PCDHGA1: variants seen among roughly 807,000 people sequenced by gnomAD.
The protein encoded by PCDHGA1 is protocadherin gamma subfamily A, 1.
A neutral mutation model predicts 58.0 loss-of-function variants in PCDHGA1; 32 were observed. The observed-to-expected ratio is 0.55, with a 90% CI of 0.42 to 0.74. The LOEUF (loss-of-function observed/expected upper bound fraction) is 0.74. PCDHGA1 is among the 30% of genes least tolerant of loss of function. The probability of loss-of-function intolerance (pLI) is 0.00; values close to 1 mark genes in which losing one functional copy is unlikely to be tolerated. For missense variants in PCDHGA1, 1,205 were observed against 1,182.3 expected, an observed-to-expected ratio of 1.02 and a Z score of -0.28; for synonymous variants, 498 against 501.1, an observed-to-expected ratio of 0.99 and a Z score of 0.08.
At chr5:141,428,987 T>G (rs1185184865) in intron 1 of PCDHGA1, 2 of 152,288 alleles carry the variant, frequency 1.3e-5, no homozygotes, top group Non-Finnish European at 2.9e-5. Context: ...CCCGGGTAGC[T>G]GGGACTACAG....
chr5:141,428,288 A>G (rs1413902705), intron 1 of PCDHGA1: 1 of 728,846 alleles, frequency 1.4e-6, no homozygotes, highest in Middle Eastern at 2.3e-4. Flanking sequence ...TCCCAAGCAA[A>G]GCTGCAGATT....
At chr5:141,355,267 C>G (rs1302079663) in intron 1 of PCDHGA1, 1 of 1,613,540 alleles carries the variant, frequency 6.2e-7, no homozygotes, top group African/African-American at 1.3e-5. Flanking sequence ...CCTGGGGGTT[C>G]TGGTGGAAAT....
chr5:141,344,400 A>G, intron 1 of PCDHGA1: 1 of 1,611,628 alleles, frequency 6.2e-7, no homozygotes, highest in South Asian at 1.1e-5. Flanking sequence ...AGAAATAGAA[A>G]TTAAAGATAT....
chr5:141,393,408 G>T (rs2092753153), intron 1 of PCDHGA1: 1 of 1,614,022 alleles, frequency 6.2e-7, no homozygotes, highest in East Asian at 2.2e-5. Context: ...GCTGGAGCGC[G>T]CCCTGGACAG....
At chr5:141,388,471 T>C (rs758013989) in intron 1 of PCDHGA1, 1 of 1,613,844 alleles carries the variant, frequency 6.2e-7, no homozygotes, top group South Asian at 1.1e-5. Context: ...GAGATGGTAT[T>C]GAAGACACCT....
chr5:141,339,813 T>C lies in PCDHGA1; in HGVS notation c.2421+6708T>C, dbSNP rs200162193. The stretch of plus-strand genomic sequence containing the variant: ...TACTACGCTCAAGTGGTATATTTTC[T>C]AGAGAAAAGCCCTGGAGAAACCTCA... On this transcript the variant is annotated intron_variant, in intron 1 of 3. Coordinates refer to ENST00000517417, the MANE Select transcript of PCDHGA1 (RefSeq NM_018912.3). 174 of 1,614,174 alleles carry C rather than the reference T, an allele frequency of 1.1e-4. No individual in the cohort carries two copies. The highest frequency in any genetic ancestry group is 8.2e-4 in the Middle Eastern group (5 of 6,062).
rs776335336 is a variant in PCDHGA1 at position 141,403,470 on chromosome 5, G to A, written c.2421+70365G>A. The A allele has an allele frequency of 3.7e-5, 59 of 1,613,910 alleles. No homozygotes were observed. Among genetic ancestry groups the A allele is most frequent in the Non-Finnish European group, 4.8e-5 (57 of 1,179,918 alleles). ...AACTCCCTCCAGAGCTACCAGCTCAGCCCCAATCACCACTTCTCCCTGAAC... is the reference window on the plus strand; with the variant it reads ...AACTCCCTCCAGAGCTACCAGCTCAACCCCAATCACCACTTCTCCCTGAAC... On this transcript the variant is annotated intron_variant, in intron 1 of 3. Coordinates refer to ENST00000517417, the MANE Select transcript of PCDHGA1 (RefSeq NM_018912.3).
At chr5:141,350,516 A>G in intron 1 of PCDHGA1, 2 of 1,614,046 alleles carry the variant, frequency 1.2e-6, no homozygotes, top group Non-Finnish European at 1.7e-6. Context: ...AGTGAACGGT[A>G]GGATAGATCG....
chr5:141,330,765 G>C lies in PCDHGA1; in HGVS notation c.81G>C (p.Gly27=), dbSNP rs372551770. 18 of 1,614,078 alleles carry C rather than the reference G, an allele frequency of 1.1e-5. No homozygotes were observed. The highest frequency in any genetic ancestry group is 1.4e-5 in the Non-Finnish European group (17 of 1,180,032). Reference sequence around the variant, plus strand: ...CTCTGGAGCTGCTGTTGGAAGCTGGGGCTGGGAATATTCACTACTCAGTGC... The same window carrying C: ...CTCTGGAGCTGCTGTTGGAAGCTGGCGCTGGGAATATTCACTACTCAGTGC... ...CLSLELLLEA[G]AGNIHYSVPE... The change falls in exon 1 of 4, where the codon GGG becomes GGC. Residue 27 remains glycine, a synonymous_variant. Transcript: ENST00000517417.
intron 1 of PCDHGA1, chr5:141,345,916 C>T (rs1180823265): frequency 2.5e-6 from 4 of 1,613,304 alleles, no homozygotes; most frequent in East Asian, 2.2e-5. Flanking sequence ...GAGGTGCGCA[C>T]GGCGCGAGCC....
At chr5:141,441,734 G>GAT in intron 1 of PCDHGA1, 1 of 364,808 alleles carries the variant, frequency 2.7e-6, no homozygotes, top group South Asian at 2.2e-5. Context: ...ACCAGGACTA[G>GAT]CTCGCGCTCG....
At chr5:141,372,558 G>A in intron 1 of PCDHGA1, 1 of 1,614,002 alleles carries the variant, frequency 6.2e-7, no homozygotes, top group Non-Finnish European at 8.5e-7. Flanking sequence ...CTCCAGACCC[G>A]CCACTGAGGG....
intron 1 of PCDHGA1, among the ~76,000 whole-genome samples, chr5:141,353,623 T>A (rs1473472118): frequency 6.6e-6 from 1 of 152,252 alleles, no homozygotes; most frequent in Non-Finnish European, 1.5e-5. Context: ...TTATTTGTTT[T>A]TATGCTCTTT....
At chr5:141,372,841 T>C (rs887025706) in intron 1 of PCDHGA1, 1 of 1,514,832 alleles carries the variant, frequency 6.6e-7, no homozygotes. Flanking sequence ...CTTCCATAAA[T>C]ATAATTGGGT....
In PCDHGA1 at chr5:141,376,683, T is replaced by TTTTTTTTTG. The variant is rs1773156952; in HGVS notation, c.2421+43586_2421+43587insGTTTTTTTT. 4 of 803,912 alleles carry TTTTTTTTTG rather than the reference T, an allele frequency of 5.0e-6. 1 individual carries two copies. The highest frequency in any genetic ancestry group is 3.9e-5 in the African/African-American group (2 of 51,902). 49.8% of individuals were successfully genotyped at this position (803,912 alleles called of 1,614,324 possible). A position where few individuals can be genotyped will look rare whatever the true frequency, so the allele number is the denominator to read the frequency against. On this transcript the variant is annotated intron_variant, in intron 1 of 3. Coordinates refer to ENST00000517417, the MANE Select transcript of PCDHGA1 (RefSeq NM_018912.3). ...TGTTCAGGTGAGGGTATCGTTTTTT[T>TTTTTTTTTG]TTTTTTTTTTTTTTGAGACGGAGTC...
At chr5:141,395,177 T>C in intron 1 of PCDHGA1, 2 of 1,614,120 alleles carry the variant, frequency 1.2e-6, no homozygotes, top group South Asian at 2.2e-5. Flanking sequence ...GTGAGAAAAA[T>C]GATTCTTTGT....
At chr5:141,387,439 A>G (rs1437445923) in intron 1 of PCDHGA1, among the ~76,000 whole-genome samples, 2 of 152,248 alleles carry the variant, frequency 1.3e-5, no homozygotes, top group African/African-American at 4.8e-5. Context: ...TTATGTACTT[A>G]ATCTACATGA....
chr5:141,389,309 T>C (rs763262842), intron 1 of PCDHGA1: 1 of 1,613,900 alleles, frequency 6.2e-7, no homozygotes, highest in African/African-American at 1.3e-5. Context: ...TCAGGGCTTC[T>C]GATCCGGACT....
chr5:141,410,817 A>T, intron 1 of PCDHGA1: 1 of 524,252 alleles, frequency 1.9e-6, no homozygotes, highest in Non-Finnish European at 3.1e-6. Context: ...TTGTAAAATA[A>T]TGTCACCAGA....
Sources: gnomAD v4.1 joint callset for allele counts (sites outside exome capture counted in the v4.1 genomes callset) on GRCh38, gnomAD v4.1.1 for gene constraint, MANE v1.5 for transcripts, NCBI Gene and HGNC (gene_info 2026-07-23, HGNC 2026-07-21) for gene names.